Variants in SETX observed in about 807,000 individuals in gnomAD.
SETX encodes the protein senataxin, also known as helicase senataxin.
A neutral mutation model predicts 227.2 loss-of-function variants in SETX; 90 were observed. That is an observed-to-expected ratio of 0.40 (90% CI 0.33 to 0.47). The LOEUF is 0.47. SETX is among the 20% of genes least tolerant of loss of function. The probability of loss-of-function intolerance (pLI) is 0.91; values close to 1 mark genes in which losing one functional copy is unlikely to be tolerated. For missense variants in SETX, 3,052 were observed against 3,181.5 expected (o/e 0.96, Z 0.98); for synonymous variants, 1,210 against 1,113.2 (o/e 1.09, Z -1.73).
Position 132,264,449 on chromosome 9 carries a change from A to C in SETX, c.7824T>G (p.Pro2608=), listed in dbSNP as rs776176197. ...TGGAAGCCTCGGGACTGGCAGCTGG[A>C]GGTTCGCCCCGCACGGGAGGTTTGT... ...SSHKPPVRGE[P]PAASPEASTC... is the part of the protein sequence containing the mutation. The change falls in exon 26 of 26, where the codon CCT becomes CCG. Residue 2608 remains proline, a synonymous_variant. Transcript: ENST00000224140. The C allele has an allele frequency of 5.6e-6, 9 of 1,606,600 alleles. No individual in the cohort carries two copies. The highest frequency in any genetic ancestry group is 6.8e-6 in the Non-Finnish European group (8 of 1,175,424).
At chr9:132,349,501 G>A in intron 2 of SETX, 66 bp from the exon 3 acceptor site, 1 of 1,506,082 alleles carries the variant, frequency 6.6e-7, no homozygotes, top group Middle Eastern at 1.7e-4. Flanking sequence ...TCAAGAATAG[G>A]TACACTTTCA....
intron 1 of SETX, among the ~76,000 whole-genome samples, chr9:132,354,582 C>A (rs958866556): frequency 1.2e-4 from 18 of 151,872 alleles, no homozygotes; most frequent in Admixed American, 4.6e-4. Context: ...GGAACCGACA[C>A]TTTCCACCCC....
At chr9:132,281,792 A>T (rs1410012380) in intron 19 of SETX, among the ~76,000 whole-genome samples, 1 of 152,174 alleles carries the variant, frequency 6.6e-6, no homozygotes, top group Non-Finnish European at 1.5e-5. Context: ...TAATGCCAGC[A>T]CTTTGGGAGG....
chr9:132,271,865 C>A, intron 23 of SETX, 57 bp from the exon 24 acceptor site: 6 of 1,418,648 alleles, frequency 4.2e-6, no homozygotes, highest in Non-Finnish European at 4.9e-6. Flanking sequence ...ATTAAGTATA[C>A]ATATTTATAA....
intron 6 of SETX, 39 bp from the exon 7 acceptor site, chr9:132,334,766 A>G: frequency 6.2e-7 from 1 of 1,607,784 alleles, no homozygotes; most frequent in Non-Finnish European, 8.5e-7. Flanking sequence ...TTGATGAAAT[A>G]ATACTATACT....
chr9:132,269,182 G>A (rs1160093359), intron 25 of SETX, among the ~76,000 whole-genome samples: 2 of 152,252 alleles, frequency 1.3e-5, no homozygotes, highest in Admixed American at 6.5e-5. Flanking sequence ...CTAAGTGCTG[G>A]AGAAACAGAG....
rs377620145 is a variant in SETX, at chr9:132,298,304, C to T, written c.5557G>A (p.Gly1853Arg). The change falls in exon 13 of 26, where the codon GGG becomes AGG. Residue 1853 changes from glycine to arginine, a missense_variant. Around this residue, in one of 10 missense-constraint regions of SETX, gnomAD observed 239 missense variants for 272.1 expected, o/e 0.88. Coordinates refer to ENST00000224140, the MANE Select transcript of SETX (RefSeq NM_015046.7). ...KFRRTSVMRN[G>R]KTECYLSIQT... Reference sequence around the variant, plus strand: ...ATGGAAAGGTAACACTCAGTTTTCCCATTACGCACTATCATCAAGAAAGAG... The same window carrying T: ...ATGGAAAGGTAACACTCAGTTTTCCTATTACGCACTATCATCAAGAAAGAG... The T allele has an allele frequency of 9.9e-6, 16 of 1,613,552 alleles. No individual in the cohort carries two copies. Among genetic ancestry groups the T allele is most frequent in the Non-Finnish European group, 1.4e-5 (16 of 1,179,670 alleles).
intron 15 of SETX, among the ~76,000 whole-genome samples, chr9:132,295,237 C>T (rs1297635901): frequency 2.0e-5 from 3 of 152,192 alleles, no homozygotes. Flanking sequence ...CATTTCTAAG[C>T]TTCAGTTTCC....
intron 5 of SETX, among the ~76,000 whole-genome samples, chr9:132,339,785 T>C (rs888478065): frequency 3.3e-5 from 5 of 152,172 alleles, no homozygotes; most frequent in African/African-American, 1.2e-4. Flanking sequence ...CCTAATTTTT[T>C]TGTATTATTA....
Position 132,329,229 on chromosome 9 carries a change from T to A in SETX, c.2369A>T (p.Lys790Met). Residue 790 changes from lysine (K) to methionine (M), a missense_variant, in exon 10 of 26, where the codon AAG (lysine) becomes ATG (methionine). By Grantham distance (95) the Lys-to-Met change is moderately conservative (BLOSUM62 -1). Transcript: ENST00000224140. ...TKVQKDEICA[K>M]LSHVIKKQHR... ...TTGCTTCTTTATTACATGTGATAACTTTGCACAGATTTCATCTTTCTGTAC... is the reference window on the plus strand; with the variant it reads ...TTGCTTCTTTATTACATGTGATAACATTGCACAGATTTCATCTTTCTGTAC... 1.9e-6 allele frequency: 3 copies of A among 1,613,932 alleles called. No homozygotes were observed. The highest frequency in any genetic ancestry group is 2.5e-6 in the Non-Finnish European group (3 of 1,179,956).
At chr9:132,299,331 C>G (rs1441372491) in intron 12 of SETX, among the ~76,000 whole-genome samples, 1 of 152,040 alleles carries the variant, frequency 6.6e-6, no homozygotes, top group Admixed American at 6.6e-5. Context: ...TGGAGGTATC[C>G]AAGACATGAT....
At position 132,264,594 on chromosome 9, in the gene SETX, G is replaced by A; in HGVS notation, c.7679C>T (p.Pro2560Leu). The change falls in exon 26 of 26, where the codon CCC becomes CTC. Residue 2560 changes from proline (P) to leucine (L), a missense_variant. Physicochemically the swap from Pro to Leu is moderately conservative, Grantham distance 98. Coordinates refer to ENST00000224140, the MANE Select transcript of SETX (RefSeq NM_015046.7). ...KGGIFLWDPQ[P>L]SSPQHPGATP... ...TGCTCCAGGATGCTGGGGGCTCGAG[G>A]GTTGTGGATCCCAAAGGAATATTCC... 6.2e-7 allele frequency: 1 copy of A among 1,614,170 alleles called. No individual in the cohort carries two copies. The highest frequency in any genetic ancestry group is 8.5e-7 in the Non-Finnish European group (1 of 1,180,038).
chr9:132,298,546 T>TG (rs1235693966), intron 12 of SETX, among the ~76,000 whole-genome samples: 1 of 152,100 alleles, frequency 6.6e-6, no homozygotes, highest in Non-Finnish European at 1.5e-5. Flanking sequence ...TGGTAGTAAG[T>TG]GCTCTGAAGA....
Position 132,283,433 on chromosome 9 carries a change from A to G in SETX, c.6397-20T>C, listed in dbSNP as rs370156449. The G allele has an allele frequency of 1.2e-5, 19 of 1,614,148 alleles. No homozygotes were observed. In the East Asian group the frequency reaches 4.0e-4, roughly 34 times the overall value. On this transcript the variant is annotated intron_variant, in intron 18 of 25. Coordinates refer to ENST00000224140, the MANE Select transcript of SETX (RefSeq NM_015046.7). ...TTGAACCTAAGAGAACAAAGGTTAAATCAATATTCAGCTGTACATCAATCC... is the reference window on the plus strand; with the variant it reads ...TTGAACCTAAGAGAACAAAGGTTAAGTCAATATTCAGCTGTACATCAATCC...
intron 5 of SETX, among the ~76,000 whole-genome samples, chr9:132,337,207 C>T (rs1351907003): frequency 6.6e-6 from 1 of 151,536 alleles, no homozygotes; most frequent in Admixed American, 6.6e-5. Context: ...GGAATGTTGA[C>T]CATGTATTGA....
upstream of SETX, among the ~76,000 whole-genome samples, chr9:132,355,979 T>G (rs113720200): frequency 9.4e-6 from 1 of 105,962 alleles, no homozygotes; most frequent in African/African-American, 3.7e-5. Flanking sequence ...GGAGCGAGAC[T>G]CTCTCTCCGG....
chr9:132,337,471 G>A (rs899287890), intron 5 of SETX, among the ~76,000 whole-genome samples: 1 of 149,500 alleles, frequency 6.7e-6, no homozygotes, highest in Non-Finnish European at 1.5e-5. Flanking sequence ...AATATCAAGA[G>A]TGCATCCTTC....
Position 132,288,616 on chromosome 9 carries a change from G to C in SETX, c.6142C>G (p.Pro2048Ala), listed in dbSNP as rs768664041. 6.2e-7 allele frequency: 1 copy of C among 1,613,684 alleles called. No individual in the cohort carries two copies. The highest frequency in any genetic ancestry group is 8.5e-7 in the Non-Finnish European group (1 of 1,179,820). The stretch of plus-strand genomic sequence containing the variant: ...ACCTCACTATTAATAGACTTTTCTG[G>C]ACCCAGTCGTACTAAATTTATATCT... ...CGDINLVRLG[P>A]EKSINSEVLK... The change falls in exon 16 of 26, where the codon CCA (proline) becomes GCA (alanine). Residue 2048 changes from proline to alanine, a missense_variant. Pro to Ala is a conservative substitution (Grantham distance 27, BLOSUM62 -1). This residue lies in a region of SETX where 412 missense variants were observed against 589.0 expected (regional missense o/e 0.70). Coordinates refer to ENST00000224140, the MANE Select transcript of SETX (RefSeq NM_015046.7).
chr9:132,342,836 A>G (rs1564564334), intron 4 of SETX, 37 bp from the exon 5 acceptor site: 3 of 1,415,212 alleles, frequency 2.1e-6, no homozygotes, highest in Non-Finnish European at 3.0e-6. Context: ...CATAAATCTT[A>G]TCACCTTATC....
Sources: allele counts gnomAD v4.1 joint callset (sites outside exome capture counted in the v4.1 genomes callset), GRCh38; gene constraint gnomAD v4.1.1; regional missense constraint gnomAD v4.1.1; transcripts MANE v1.5; gene names NCBI Gene and HGNC (gene_info 2026-07-23, HGNC 2026-07-21).